The following PDE3B variants were observed in gnomAD, a reference collection of about 807,000 sequenced individuals.
The protein encoded by PDE3B is phosphodiesterase 3B, also known as cGMP-inhibited 3',5'-cyclic phosphodiesterase 3B.
PDE3B carries 66 observed loss-of-function variants against 116.8 expected under a neutral mutation model. The ratio of observed to expected loss-of-function variants is 0.56; its 90% CI spans 0.46 to 0.69. The LOEUF is 0.69. Ranked by LOEUF, PDE3B falls within the 30% of genes least tolerant of loss-of-function variation. The pLI is 0.00. For missense variants in PDE3B, 1,384 were observed against 1,368.1 expected (o/e 1.01, Z -0.18); for synonymous variants, 595 against 533.6 (o/e 1.12, Z -1.59).
intron 1 of PDE3B, among the ~76,000 whole-genome samples, chr11:14,708,649 G>T (rs750380066): frequency 6.6e-6 from 1 of 151,922 alleles, no homozygotes; most frequent in Non-Finnish European, 1.5e-5. Flanking sequence ...GATTTTTCTG[G>T]AGTCGATAAC....
chr11:14,723,531 A>T (rs948945786), intron 1 of PDE3B, among the ~76,000 whole-genome samples: 3 of 152,090 alleles, frequency 2.0e-5, no homozygotes, highest in Admixed American at 6.6e-5. Flanking sequence ...AGGTGGGAGG[A>T]TCGCCTGAGG....
At chr11:14,784,254 G>A (rs920327096) in intron 2 of PDE3B, among the ~76,000 whole-genome samples, 5 of 152,186 alleles carry the variant, frequency 3.3e-5, no homozygotes, top group African/African-American at 1.2e-4. Context: ...CAGGAAGGAA[G>A]AAAGAACAAT....
intron 1 of PDE3B, among the ~76,000 whole-genome samples, chr11:14,690,034 C>T (rs111639916): frequency 6.6e-6 from 1 of 152,048 alleles, no homozygotes; most frequent in Non-Finnish European, 1.5e-5. Context: ...ACTAGCTGTT[C>T]TGGTATAGGA....
At chr11:14,785,783 A>G (rs1041304987) in intron 2 of PDE3B, among the ~76,000 whole-genome samples, 2 of 151,940 alleles carry the variant, frequency 1.3e-5, no homozygotes, top group Non-Finnish European at 2.9e-5. Context: ...TTAATTATTC[A>G]TCTTTAAGTT....
chr11:14,688,899 A>T (rs1854968076), intron 1 of PDE3B, among the ~76,000 whole-genome samples: 1 of 152,056 alleles, frequency 6.6e-6, no homozygotes, highest in South Asian at 2.1e-4. Flanking sequence ...TAGCCTCCCC[A>T]GTAGCTGAGA....
chr11:14,681,179 A>T (rs1158122296), intron 1 of PDE3B, among the ~76,000 whole-genome samples: 1 of 152,224 alleles, frequency 6.6e-6, no homozygotes, highest in Non-Finnish European at 1.5e-5. Context: ...GCACACTTTC[A>T]AATTGTGATA....
At chr11:14,835,290 A>G (rs933193666) in intron 11 of PDE3B, among the ~76,000 whole-genome samples, 195 bp downstream of exon 11, 1 of 152,184 alleles carries the variant, frequency 6.6e-6, no homozygotes, top group African/African-American at 2.4e-5. Context: ...TGACATGAAA[A>G]ATTTTAAACC....
At chr11:14,663,301 G>C (rs1854001098) in intron 1 of PDE3B, among the ~76,000 whole-genome samples, 2 of 152,154 alleles carry the variant, frequency 1.3e-5, no homozygotes, top group South Asian at 4.1e-4. Context: ...AAGAGCTCCT[G>C]AAGGAAGCAC....
rs1407771037 is a variant in PDE3B, at chr11:14,668,430, TG to T, written c.978+23379del. Among the ~76,000 whole-genome samples the T allele has an allele frequency of 9.2e-5, 14 of 152,278 alleles. No individual in the cohort carries two copies. The East Asian group carries it at 2.7e-3, about 29-fold the overall frequency. The stretch of plus-strand genomic sequence containing the variant: ...ATATTATTTGCATTATGTTAAACCC[TG>T]GTCAACCCTTAAAATGTTAAAGGAA... On this transcript the variant is annotated intron_variant, in intron 1 of 15. Transcript: ENST00000282096.
chr11:14,738,923 A>G (rs1416283406), intron 1 of PDE3B, among the ~76,000 whole-genome samples: 3 of 152,064 alleles, frequency 2.0e-5, no homozygotes, highest in Non-Finnish European at 4.4e-5. Flanking sequence ...GATATATGGT[A>G]TTATTTCTGA....
the PDE3B span, chr11:14,890,877 T>A: frequency 1.0e-6 from 1 of 985,260 alleles, no homozygotes; most frequent in Admixed American, 6.2e-5. Flanking sequence ...AAAATTGGTT[T>A]AAGTAAGGAT....
chr11:14,751,216 A>G (rs1372387181), intron 1 of PDE3B, among the ~76,000 whole-genome samples: 1 of 152,172 alleles, frequency 6.6e-6, no homozygotes, highest in African/African-American at 2.4e-5. Flanking sequence ...TTATAGTAAT[A>G]TTTTTAAAAA....
At chr11:14,831,131 G>A (rs779458801) in intron 8 of PDE3B, among the ~76,000 whole-genome samples, 29 of 151,196 alleles carry the variant, frequency 1.9e-4, no homozygotes, top group Non-Finnish European at 2.4e-4. Context: ...TTTCTTTTGC[G>A]TATGTGAAGG....
chr11:14,816,050 G>A (rs1363092972), intron 5 of PDE3B, among the ~76,000 whole-genome samples: 1 of 152,074 alleles, frequency 6.6e-6, no homozygotes, highest in African/African-American at 2.4e-5. Flanking sequence ...CAAGTAGGAA[G>A]TTTTCAGGAC....
At position 14,644,746 on chromosome 11, in the gene PDE3B, T is replaced by C; in HGVS notation, c.671T>C (p.Leu224Pro). 1 of 1,585,040 alleles carries C rather than the reference T, an allele frequency of 6.3e-7. No homozygotes were observed. The highest frequency in any genetic ancestry group is 1.1e-5 in the South Asian group (1 of 88,314). Residue 224 changes from leucine (L) to proline (P), a missense_variant, in exon 1 of 16, where the codon CTC becomes CCC. Leu to Pro is a moderately conservative substitution (Grantham distance 98). Coordinates refer to ENST00000282096, the MANE Select transcript of PDE3B (RefSeq NM_000922.4). ...CTCCGGCACTGCGTTCTGGTGCTGC[T>C]CCTGGCCAGCTTCGTCTGGTGGGTC... is the stretch of plus-strand genomic sequence containing the variant. The part of the protein sequence containing the change: ...LRLRHCVLVL[L>P]LASFVWWVSF...
intron 12 of PDE3B, among the ~76,000 whole-genome samples, chr11:14,853,748 G>T (rs1555005670): frequency 1.3e-5 from 2 of 152,324 alleles, no homozygotes; most frequent in African/African-American, 4.8e-5. Context: ...ACGAAAGAAG[G>T]TGATACATAT....
intron 13 of PDE3B, among the ~76,000 whole-genome samples, chr11:14,860,938 T>C (rs1325318564): frequency 2.0e-5 from 3 of 151,840 alleles, no homozygotes; most frequent in Non-Finnish European, 2.9e-5. Context: ...CACACACACA[T>C]ATAATTCATG....
chr11:14,725,162 A>G (rs1028297194), intron 1 of PDE3B, among the ~76,000 whole-genome samples: 7 of 152,136 alleles, frequency 4.6e-5, no homozygotes, highest in South Asian at 2.1e-4. Flanking sequence ...TCCAAATCCA[A>G]GTGATTAATA....
intron 14 of PDE3B, among the ~76,000 whole-genome samples, chr11:14,862,270 C>G (rs1555007295): frequency 1.3e-5 from 2 of 152,162 alleles, no homozygotes; most frequent in Non-Finnish European, 2.9e-5. Context: ...TCCTGCTCTG[C>G]CCATGTCTGC....
Sources: gnomAD v4.1 joint callset for allele counts (sites outside exome capture counted in the v4.1 genomes callset) on GRCh38, gnomAD v4.1.1 for gene constraint, MANE v1.5 for transcripts, NCBI Gene and HGNC (gene_info 2026-07-23, HGNC 2026-07-21) for gene names.